Variants in ADGRV1 observed in about 807,000 individuals in gnomAD.
ADGRV1 encodes adhesion G protein-coupled receptor V1, also known as G-protein coupled receptor 98.
A neutral mutation model predicts 596.2 loss-of-function variants in ADGRV1; 359 were observed. The observed-to-expected ratio is 0.60, with a 90% CI of 0.55 to 0.66. The LOEUF is 0.66. Ranked by LOEUF, ADGRV1 falls within the 30% of genes least tolerant of loss-of-function variation. The pLI, the probability that ADGRV1 is intolerant of heterozygous loss-of-function variation, is 0.00. For missense variants in ADGRV1, 7,274 were observed against 7,575.6 expected, an observed-to-expected ratio of 0.96 and a Z score of 1.48; for synonymous variants, 2,681 against 2,679.2, an observed-to-expected ratio of 1.00 and a Z score of -0.02.
intron 84 of ADGRV1, among the ~76,000 whole-genome samples, chr5:90,974,396 A>G (rs1779358368): frequency 6.6e-6 from 1 of 152,216 alleles, no homozygotes; most frequent in African/African-American, 2.4e-5. Context: ...TGCCAAGACA[A>G]TCTTAAGCCA....
intron 85 of ADGRV1, among the ~76,000 whole-genome samples, chr5:90,992,514 G>A (rs1330704651): frequency 1.3e-5 from 2 of 152,198 alleles, no homozygotes; most frequent in Non-Finnish European, 2.9e-5. Context: ...ACTTTATCAA[G>A]CTTTTCATCC....
At chr5:90,760,773 AAG>A (rs911771984) in intron 58 of ADGRV1, among the ~76,000 whole-genome samples, 1 of 150,804 alleles carries the variant, frequency 6.6e-6, no homozygotes, top group South Asian at 2.1e-4. Context: ...TTCAGCCACA[AAG>A]AGAGAGAGAG....
chr5:90,654,634 ATTC>A lies in ADGRV1; in HGVS notation c.4378+685_4378+687del. ...CTCAGCCCCTCCATCTTATGATTTT[ATTC>A]TTTTTTATATTTCGTGAAAGATAGA... On this transcript the variant is annotated intron_variant, in intron 20 of 89. Transcript: ENST00000405460. The A allele has an allele frequency of 2.6e-5, 4 of 152,574 alleles. 1 individual carries two copies. In the East Asian group the frequency reaches 7.7e-4, roughly 29 times the overall value. 9.5% of individuals were successfully genotyped at this position (152,574 alleles called of 1,614,324 possible).
intron 84 of ADGRV1, among the ~76,000 whole-genome samples, chr5:90,984,800 C>T (rs1387859288): frequency 2.0e-5 from 3 of 152,158 alleles, no homozygotes; most frequent in Non-Finnish European, 2.9e-5. Flanking sequence ...ATAGTACTTT[C>T]TCTCTGTGCG....
rs373551551 is a variant in ADGRV1 at position 90,788,064 on chromosome 5, C to T, written c.13654-7C>T. ...AAAGAAATACCAAAACCAAAAACAT[C>T]CCGCAGGTGAACTGGGAGACAGTAG... is the stretch of plus-strand genomic sequence containing the variant. On this transcript the variant is annotated splice_polypyrimidine_tract_variant and splice_region_variant and intron_variant, in intron 67 of 89. Coordinates refer to ENST00000405460, the MANE Select transcript of ADGRV1 (RefSeq NM_032119.4). 160 of 1,582,030 alleles carry T rather than the reference C, an allele frequency of 1.0e-4. No individual in the cohort carries two copies. The African/African-American group carries it at 1.7e-3, about 17-fold the overall frequency.
intron 50 of ADGRV1, among the ~76,000 whole-genome samples, chr5:90,736,880 G>C (rs999679344): frequency 8.0e-5 from 12 of 149,514 alleles, no homozygotes; most frequent in Admixed American, 6.6e-4. Context: ...TGTAGCTAAG[G>C]GTTTGTCAAC....
intron 83 of ADGRV1, among the ~76,000 whole-genome samples, chr5:90,921,675 C>T (rs947261282): frequency 6.6e-6 from 1 of 152,128 alleles, no homozygotes; most frequent in African/African-American, 2.4e-5. Context: ...TTCATGGCTA[C>T]TTAAATCACT....
intron 31 of ADGRV1, 123 bp downstream of exon 31, chr5:90,691,164 C>A: frequency 8.1e-7 from 1 of 1,237,534 alleles, no homozygotes; most frequent in Non-Finnish European, 1.2e-6. Context: ...CAAGAATGTT[C>A]AAACTATGCT....
At chr5:90,670,180 C>G (rs543493174) in intron 21 of ADGRV1, among the ~76,000 whole-genome samples, 54 of 152,106 alleles carry the variant, frequency 3.6e-4, no homozygotes, top group African/African-American at 1.3e-3. Context: ...ATTTTAAGCC[C>G]TTTGATTCTT....
intron 84 of ADGRV1, among the ~76,000 whole-genome samples, chr5:90,976,346 A>ATATATG (rs1305562775): frequency 2.1e-5 from 3 of 144,644 alleles, no homozygotes; most frequent in Admixed American, 7.0e-5. Context: ...ATATATATAT[A>ATATATG]TATGTATATG....
chr5:90,681,512 T>G, intron 27 of ADGRV1, 58 bp downstream of exon 27: 2 of 1,521,178 alleles, frequency 1.3e-6, no homozygotes, highest in South Asian at 2.5e-5. Context: ...AAAACTGTAC[T>G]GTGCTATGAA....
chr5:91,123,692 C>T (rs945445273), intron 87 of ADGRV1, among the ~76,000 whole-genome samples: 27 of 152,124 alleles, frequency 1.8e-4, no homozygotes, highest in African/African-American at 6.5e-4. Flanking sequence ...TTCTCCATTC[C>T]CTGAGCTAAG....
intron 86 of ADGRV1, among the ~76,000 whole-genome samples, chr5:91,076,082 T>C (rs1374882807): frequency 6.6e-6 from 1 of 152,158 alleles, no homozygotes; most frequent in Non-Finnish European, 1.5e-5. Context: ...CACCTTCCCA[T>C]ATTCTTTATT....
chr5:90,922,101 G>A (rs78048019), intron 83 of ADGRV1, among the ~76,000 whole-genome samples: 8,396 of 152,226 alleles, frequency 0.055, 385 homozygotes, highest in East Asian at 0.22. Context: ...GGACAGTCCC[G>A]TATCTGTGCC....
At chr5:91,045,355 T>C (rs1340151244) in intron 85 of ADGRV1, among the ~76,000 whole-genome samples, 1 of 152,188 alleles carries the variant, frequency 6.6e-6, no homozygotes, top group Non-Finnish European at 1.5e-5. Context: ...CAAGTAGGTT[T>C]CATACCAGGC....
At chr5:91,088,918 C>A (rs1223894916) in intron 86 of ADGRV1, among the ~76,000 whole-genome samples, 2 of 152,088 alleles carry the variant, frequency 1.3e-5, no homozygotes, top group East Asian at 3.8e-4. Flanking sequence ...TATTAGACAG[C>A]CTCTTTCTCC....
intron 85 of ADGRV1, among the ~76,000 whole-genome samples, chr5:91,069,130 A>G (rs1224557604): frequency 1.3e-5 from 2 of 152,188 alleles, no homozygotes; most frequent in African/African-American, 4.8e-5. Context: ...CACCACATAC[A>G]AAAATTAACT....
chr5:91,142,165 C>T (rs151287607), intron 87 of ADGRV1, among the ~76,000 whole-genome samples: 2 of 152,338 alleles, frequency 1.3e-5, no homozygotes, highest in East Asian at 3.9e-4. Flanking sequence ...AGACCCATGA[C>T]TGTCTCTACC....
At chr5:90,890,619 G>A (rs1770721214) in intron 83 of ADGRV1, among the ~76,000 whole-genome samples, 1 of 152,088 alleles carries the variant, frequency 6.6e-6, no homozygotes, top group Non-Finnish European at 1.5e-5. Context: ...CTATACAAGT[G>A]TTCCATTTAT....
Sources: gnomAD v4.1 joint callset for allele counts (sites outside exome capture counted in the v4.1 genomes callset) on GRCh38, gnomAD v4.1.1 for gene constraint, MANE v1.5 for transcripts, NCBI Gene and HGNC (gene_info 2026-07-23, HGNC 2026-07-21) for gene names.